Variants in OSBPL3 observed in about 807,000 individuals in gnomAD.
OSBPL3 encodes the protein oxysterol binding protein like 3.
Under a neutral mutation model 120.1 loss-of-function variants are expected in OSBPL3, and 65 were observed. The observed-to-expected ratio is 0.54, with a 90% confidence interval of 0.44 to 0.67. The LOEUF is 0.67. OSBPL3 is among the 30% of genes least tolerant of loss of function. OSBPL3 has a pLI of 0.00. For missense variants in OSBPL3, 1,004 were observed against 1,082.1 expected, an observed-to-expected ratio of 0.93 and a Z score of 1.01; for synonymous variants, 416 against 402.6, an observed-to-expected ratio of 1.03 and a Z score of -0.40.
rs1046013038 is a variant in OSBPL3 at position 24,913,569 on chromosome 7, A to G, written c.-149-20948T>C. ...AAAGGCCGGTATGTGTCTGATAGTG[A>G]CAGACACATCACAAAGTGACACTGG... On this transcript the variant is annotated intron_variant, in intron 1 of 22. Coordinates refer to ENST00000313367, the MANE Select transcript of OSBPL3 (RefSeq NM_015550.4). This position sits in a 1 kb window ranked among gnomAD's most constrained non-coding sequence, Gnocchi z 5.3. 6.6e-6 allele frequency among the ~76,000 whole-genome samples: 1 copy of G among 152,182 alleles called. No individual in the cohort carries two copies. The highest frequency in any genetic ancestry group is 1.5e-5 in the Non-Finnish European group (1 of 68,038).
rs966755707 is a variant in OSBPL3 at position 24,896,902 on chromosome 7, T to C, written c.-149-4281A>G. Among the ~76,000 whole-genome samples, 2 of 152,084 alleles carry C rather than the reference T, an allele frequency of 1.3e-5. No homozygotes were observed. Among genetic ancestry groups the C allele is most frequent in the African/African-American group, 2.4e-5 (1 of 41,398 alleles). On this transcript the variant is annotated intron_variant, in intron 1 of 22. Coordinates refer to ENST00000313367, the MANE Select transcript of OSBPL3 (RefSeq NM_015550.4). The surrounding 1 kb of genome is among the most constrained non-coding windows in gnomAD (Gnocchi z 4.4). ...GCCTGGCCAACATGGTAAAACCCCA[T>C]CTCTACTAAAAATACCAAAATTAGC...
chr7:24,896,843 G>A lies in OSBPL3; in HGVS notation c.-149-4222C>T, dbSNP rs574213392. On this transcript the variant is annotated intron_variant, in intron 1 of 22. Coordinates refer to ENST00000313367, the MANE Select transcript of OSBPL3 (RefSeq NM_015550.4). The surrounding 1 kb of genome is among the most constrained non-coding windows in gnomAD (Gnocchi z 4.4). ...TCCCAGCAATTTAGGAGGTGGACGC[G>A]ACTGGATTACTTGAGGTCAGGAGTT... 6.6e-6 allele frequency among the ~76,000 whole-genome samples: 1 copy of A among 152,234 alleles called. No homozygotes were observed. Among genetic ancestry groups the A allele is most frequent in the East Asian group, 1.9e-4 (1 of 5,174 alleles).
In OSBPL3 at chr7:24,930,086, C is replaced by A. The variant is rs1396702129; in HGVS notation, c.-149-37465G>T. Among the ~76,000 whole-genome samples, 2 of 152,030 alleles carry A rather than the reference C, an allele frequency of 1.3e-5. No individual in the cohort carries two copies. Among genetic ancestry groups the A allele is most frequent in the African/African-American group, 4.8e-5 (2 of 41,384 alleles). On this transcript the variant is annotated intron_variant, in intron 1 of 22. Coordinates refer to ENST00000313367, the MANE Select transcript of OSBPL3 (RefSeq NM_015550.4). This position sits in a 1 kb window ranked among gnomAD's most constrained non-coding sequence, Gnocchi z 4.4. ...ATATCATACATTCTTTATGAGAAAA[C>A]TTTAGGAGTTAGAAGAAAGGGTAAC...
chr7:24,966,430 A>T lies in OSBPL3; in HGVS notation c.-150+13456T>A, dbSNP rs572507091. Reference sequence around the variant, plus strand: ...AACAAGTGGGGCTTCCAGGCCCTTAATCAAGGAACAAATGATGCAGAACTC... The same window carrying T: ...AACAAGTGGGGCTTCCAGGCCCTTATTCAAGGAACAAATGATGCAGAACTC... On this transcript the variant is annotated intron_variant, in intron 1 of 22. Coordinates refer to ENST00000313367, the MANE Select transcript of OSBPL3 (RefSeq NM_015550.4). This position sits in a 1 kb window ranked among gnomAD's most constrained non-coding sequence, Gnocchi z 4.8. 2.0e-5 allele frequency among the ~76,000 whole-genome samples: 3 copies of T among 152,352 alleles called. No individual in the cohort carries two copies. Among genetic ancestry groups the T allele is most frequent in the East Asian group, 3.9e-4 (2 of 5,190 alleles).
chr7:24,877,720 A>G lies in OSBPL3; in HGVS notation c.97-5651T>C, dbSNP rs1003859689. Among the ~76,000 whole-genome samples the G allele has an allele frequency of 6.6e-6, 1 of 152,166 alleles. No individual in the cohort carries two copies. Among genetic ancestry groups the G allele is most frequent in the African/African-American group, 2.4e-5 (1 of 41,436 alleles). The stretch of plus-strand genomic sequence containing the variant: ...GTTGGCACTCAGGACAGAAAACAAG[A>G]GGGATGTTGGTTTCTCTTGGCTAAA... On this transcript the variant is annotated intron_variant, in intron 2 of 22. Coordinates refer to ENST00000313367, the MANE Select transcript of OSBPL3 (RefSeq NM_015550.4). This position sits in a 1 kb window ranked among gnomAD's most constrained non-coding sequence, Gnocchi z 4.8.
chr7:24,843,522 T>C (rs1168281513), intron 12 of OSBPL3, among the ~76,000 whole-genome samples: 2 of 152,212 alleles, frequency 1.3e-5, no homozygotes, highest in African/African-American at 4.8e-5. Context: ...CTCAGTCTCA[T>C]AGGGAGGGGA....
In OSBPL3 at chr7:24,879,871, T is replaced by C. The variant is rs1430048892; in HGVS notation, c.97-7802A>G. ...GGCTACAATTACTTTGGCATGTTTT[T>C]AGGCCCCTCAGATATATTGGGAAGC... On this transcript the variant is annotated intron_variant, in intron 2 of 22. Coordinates refer to ENST00000313367, the MANE Select transcript of OSBPL3 (RefSeq NM_015550.4). This position sits in a 1 kb window ranked among gnomAD's most constrained non-coding sequence, Gnocchi z 5.6. Among the ~76,000 whole-genome samples, 6 of 152,254 alleles carry C rather than the reference T, an allele frequency of 3.9e-5. No homozygotes were observed. The highest frequency in any genetic ancestry group is 3.9e-4 in the Admixed American group (6 of 15,280).
rs1792521218 is a variant in OSBPL3, at chr7:24,802,686, T to TA, written c.2567+1628dup. On this transcript the variant is annotated intron_variant, in intron 22 of 22. Transcript: ENST00000313367. This position sits in a 1 kb window ranked among gnomAD's most constrained non-coding sequence, Gnocchi z 4.1. ...AGACAGTTTGGTTACCTACCATTTTTAATGATCCTAAAAAGTACTGTAATG... is the reference window on the plus strand; with the variant it reads ...AGACAGTTTGGTTACCTACCATTTTTAAATGATCCTAAAAAGTACTGTAATG... Among the ~76,000 whole-genome samples the TA allele has an allele frequency of 6.6e-6, 1 of 152,208 alleles. No individual in the cohort carries two copies. Among genetic ancestry groups the TA allele is most frequent in the Non-Finnish European group, 1.5e-5 (1 of 68,034 alleles).
chr7:24,840,232 C>T (rs1300285551), intron 14 of OSBPL3, among the ~76,000 whole-genome samples: 2 of 152,030 alleles, frequency 1.3e-5, no homozygotes, highest in African/African-American at 4.8e-5. Flanking sequence ...CTCTACACAG[C>T]TCACCCTTGA....
chr7:24,955,385 T>C lies in OSBPL3; in HGVS notation c.-150+24501A>G, dbSNP rs1487208493. On this transcript the variant is annotated intron_variant, in intron 1 of 22. Transcript: ENST00000313367. The surrounding 1 kb of genome is among the most constrained non-coding windows in gnomAD (Gnocchi z 4.3). Reference sequence around the variant, plus strand: ...GAGCACTTACAATGCGCTGGGAATTTTTCCAGTGCTGGGAATACAGTGGTA... The same window carrying C: ...GAGCACTTACAATGCGCTGGGAATTCTTCCAGTGCTGGGAATACAGTGGTA... Among the ~76,000 whole-genome samples the C allele has an allele frequency of 1.3e-5, 2 of 152,196 alleles. No individual in the cohort carries two copies. The highest frequency in any genetic ancestry group is 4.8e-5 in the African/African-American group (2 of 41,454).
At chr7:24,895,063 T>A (rs779267136) in intron 1 of OSBPL3, among the ~76,000 whole-genome samples, 5 of 152,218 alleles carry the variant, frequency 3.3e-5, no homozygotes, top group Non-Finnish European at 5.9e-5. Context: ...GTTTTGGGAT[T>A]GTTGCCCGGG....
At position 24,907,664 on chromosome 7, in the gene OSBPL3, C is replaced by T. The variant is rs181633327; in HGVS notation, c.-149-15043G>A. Among the ~76,000 whole-genome samples the T allele has an allele frequency of 2.6e-5, 4 of 152,278 alleles. No homozygotes were observed. The East Asian group carries it at 5.8e-4, about 22-fold the overall frequency. ...GTCTGTGGCAAAGTCCTCCATCTTC[C>T]GAAGATCACTTTCAGCATTGCCTTT... On this transcript the variant is annotated intron_variant, in intron 1 of 22. Coordinates refer to ENST00000313367, the MANE Select transcript of OSBPL3 (RefSeq NM_015550.4).
chr7:24,843,076 T>C (rs1797977734), intron 12 of OSBPL3, among the ~76,000 whole-genome samples: 2 of 152,152 alleles, frequency 1.3e-5, no homozygotes, highest in Non-Finnish European at 2.9e-5. Context: ...TTTTCTTATC[T>C]CGCATGACCC....
At position 24,818,423 on chromosome 7, in the gene OSBPL3, C is replaced by T. The variant is rs1428966443; in HGVS notation, c.1949-1735G>A. ...TACATGGTTTATGATATACAGAAGACGTATGAAAAAATAGTAGAGAGGTTG... is the reference window on the plus strand; with the variant it reads ...TACATGGTTTATGATATACAGAAGATGTATGAAAAAATAGTAGAGAGGTTG... On this transcript the variant is annotated intron_variant, in intron 17 of 22. Coordinates refer to ENST00000313367, the MANE Select transcript of OSBPL3 (RefSeq NM_015550.4). This position sits in a 1 kb window ranked among gnomAD's most constrained non-coding sequence, Gnocchi z 4.0. Among the ~76,000 whole-genome samples the T allele has an allele frequency of 3.3e-5, 5 of 151,632 alleles. No homozygotes were observed. Among genetic ancestry groups the T allele is most frequent in the Admixed American group, 6.6e-5 (1 of 15,220 alleles).
Position 24,863,180 on chromosome 7 carries a change from T to C in OSBPL3, c.870+20A>G. 1 of 1,586,224 alleles carries C rather than the reference T, an allele frequency of 6.3e-7. No individual in the cohort carries two copies. Among genetic ancestry groups the C allele is most frequent in the Non-Finnish European group, 8.7e-7 (1 of 1,154,594 alleles). ...CAGGGCCAATGAAGAAACCAGTCTG[T>C]CAGGGGAAGCAATGGTTACCTGCAG... On this transcript the variant is annotated intron_variant, in intron 9 of 22. Transcript: ENST00000313367. The surrounding 1 kb of genome is among the most constrained non-coding windows in gnomAD (Gnocchi z 5.8).
rs1562863575 is a variant in OSBPL3, at chr7:24,872,215, A to G, written c.97-146T>C. On this transcript the variant is annotated intron_variant, in intron 2 of 22. Transcript: ENST00000313367. The surrounding 1 kb of genome is among the most constrained non-coding windows in gnomAD (Gnocchi z 4.1). ...GAGAAGAAATCCAAATTTAATTTCC[A>G]TACAGTCCCTGGGCTTCACAGATTT... 1 of 636,714 alleles carries G rather than the reference A, an allele frequency of 1.6e-6. No homozygotes were observed. Among genetic ancestry groups the G allele is most frequent in the Non-Finnish European group, 2.8e-6 (1 of 356,542 alleles). The allele number at this position is 636,714 out of a possible 1,614,324, so 39.4% of individuals were successfully genotyped here.
intron 1 of OSBPL3, among the ~76,000 whole-genome samples, chr7:24,928,194 GT>G (rs58340103): frequency 3.1e-4 from 42 of 135,630 alleles, no homozygotes; most frequent in African/African-American, 5.0e-4. Context: ...CTTCCTTTTT[GT>G]TTTTTTTTTT....
rs1003013336 is a variant in OSBPL3 at position 24,899,465 on chromosome 7, T to A, written c.-149-6844A>T. Among the ~76,000 whole-genome samples the A allele has an allele frequency of 6.6e-6, 1 of 152,250 alleles. No individual in the cohort carries two copies. The highest frequency in any genetic ancestry group is 6.5e-5 in the Admixed American group (1 of 15,286). On this transcript the variant is annotated intron_variant, in intron 1 of 22. Coordinates refer to ENST00000313367, the MANE Select transcript of OSBPL3 (RefSeq NM_015550.4). The surrounding 1 kb of genome is among the most constrained non-coding windows in gnomAD (Gnocchi z 4.0). Reference sequence around the variant, plus strand: ...ACTAAAATTCAGGACTTGACTGTTCTATTATTATTACCATCATTATAATCA... The same window carrying A: ...ACTAAAATTCAGGACTTGACTGTTCAATTATTATTACCATCATTATAATCA...
At position 24,972,122 on chromosome 7, in the gene OSBPL3, T is replaced by A. The variant is rs1025697534; in HGVS notation, c.-150+7764A>T. On this transcript the variant is annotated intron_variant, in intron 1 of 22. Coordinates refer to ENST00000313367, the MANE Select transcript of OSBPL3 (RefSeq NM_015550.4). This position sits in a 1 kb window ranked among gnomAD's most constrained non-coding sequence, Gnocchi z 4.3. The stretch of plus-strand genomic sequence containing the variant: ...CTGGAGGACAGGTTGCTAGATATCA[T>A]TGCGTTTCTGCTATAAAGGTGTTAA... Among the ~76,000 whole-genome samples, 1 of 152,212 alleles carries A rather than the reference T, an allele frequency of 6.6e-6. No homozygotes were observed. Among genetic ancestry groups the A allele is most frequent in the Non-Finnish European group, 1.5e-5 (1 of 68,034 alleles).
Sources: gnomAD v4.1 joint callset for allele counts (sites outside exome capture counted in the v4.1 genomes callset) on GRCh38, gnomAD v4.1.1 for gene constraint, Gnocchi (gnomAD v3.1) non-coding constraint, MANE v1.5 for transcripts, NCBI Gene and HGNC (gene_info 2026-07-23, HGNC 2026-07-21) for gene names.